GOLPH3: variants seen among roughly 807,000 people sequenced by gnomAD.
GOLPH3 encodes the protein coat protein GPP34.
A neutral mutation model predicts 28.5 loss-of-function variants in GOLPH3; 14 were observed. The observed-to-expected ratio is 0.49, with a 90% CI of 0.32 to 0.77. GOLPH3 has a LOEUF of 0.77. Among genes scored for constraint, GOLPH3 ranks in the 30% least tolerant of loss-of-function variants. The probability of loss-of-function intolerance (pLI) is 0.03; values close to 1 mark genes in which losing one functional copy is unlikely to be tolerated. For missense variants in GOLPH3, 350 were observed against 393.7 expected (o/e 0.89, Z 0.94); for synonymous variants, 158 against 159.2 (o/e 0.99, Z 0.06).
chr5:32,166,792 A>C (rs1255669738), intron 1 of GOLPH3, among the ~76,000 whole-genome samples: 5 of 151,618 alleles, frequency 3.3e-5, no homozygotes, highest in Admixed American at 2.0e-4. Context: ...GAGTGATAAA[A>C]GCAAGACTCC....
intron 1 of GOLPH3, among the ~76,000 whole-genome samples, chr5:32,157,221 G>A (rs777843895): frequency 2.6e-5 from 4 of 152,054 alleles, no homozygotes; most frequent in Admixed American, 1.3e-4. Context: ...AATCCAACTC[G>A]GAAATTCAAT....
chr5:32,160,551 G>A (rs1253137171), intron 1 of GOLPH3, among the ~76,000 whole-genome samples: 1 of 152,154 alleles, frequency 6.6e-6, no homozygotes, highest in Non-Finnish European at 1.5e-5. Flanking sequence ...ATAAAATGGT[G>A]TCCCCTCACT....
chr5:32,153,107 A>G lies in GOLPH3; in HGVS notation c.226-9227T>C, dbSNP rs865901312. On this transcript the variant is annotated intron_variant, in intron 1 of 3. Transcript: ENST00000265070. ...TCAATAAGGGACTGGATGAATATACAAAGATATATCTACCACATAATGGAA... is the reference window on the plus strand; with the variant it reads ...TCAATAAGGGACTGGATGAATATACGAAGATATATCTACCACATAATGGAA... 1.8e-4 allele frequency among the ~76,000 whole-genome samples: 27 copies of G among 152,264 alleles called. 1 individual carries two copies. The highest frequency in any genetic ancestry group is 1.3e-4 in the Admixed American group (2 of 15,280).
At chr5:32,166,185 A>G (rs1311516624) in intron 1 of GOLPH3, among the ~76,000 whole-genome samples, 3 of 152,242 alleles carry the variant, frequency 2.0e-5, no homozygotes, top group Middle Eastern at 3.2e-3. Context: ...CATTAAGTTT[A>G]AAAATAAGTA....
intron 1 of GOLPH3, among the ~76,000 whole-genome samples, chr5:32,146,290 CAAA>C (rs11290084): frequency 8.4e-5 from 12 of 143,200 alleles, no homozygotes; most frequent in Admixed American, 1.4e-4. Flanking sequence ...GACCCTATCT[CAAA>C]AAAAAAAAAA....
At chr5:32,157,808 T>C (rs1428574848) in intron 1 of GOLPH3, among the ~76,000 whole-genome samples, 1 of 151,748 alleles carries the variant, frequency 6.6e-6, no homozygotes, top group Non-Finnish European at 1.5e-5. Flanking sequence ...TGAAACCCCA[T>C]CGCTACTAAA....
intron 1 of GOLPH3, among the ~76,000 whole-genome samples, chr5:32,162,713 T>TTCA: frequency 6.6e-6 from 1 of 152,242 alleles, no homozygotes; most frequent in South Asian, 2.1e-4. Flanking sequence ...CAGCACCATG[T>TTCA]GGTTTTCAAA....
chr5:32,145,483 A>G (rs990500148), intron 1 of GOLPH3, among the ~76,000 whole-genome samples: 4 of 152,214 alleles, frequency 2.6e-5, no homozygotes, highest in Non-Finnish European at 5.9e-5. Context: ...TGAATTCCAC[A>G]TGAAATTAAA....
chr5:32,132,786 A>T (rs1269467905), intron 3 of GOLPH3, among the ~76,000 whole-genome samples: 1 of 152,238 alleles, frequency 6.6e-6, no homozygotes, highest in Non-Finnish European at 1.5e-5. Flanking sequence ...TACTACAATT[A>T]AAAAATCAGC....
In GOLPH3 at chr5:32,143,811, A is replaced by G. The variant is rs927535647; in HGVS notation, c.295T>C (p.Leu99=). The G allele has an allele frequency of 3.7e-6, 6 of 1,604,800 alleles. No individual in the cohort carries two copies. Among genetic ancestry groups the G allele is most frequent in the African/African-American group, 1.3e-5 (1 of 74,492 alleles). The change falls in exon 2 of 4, where the codon TTG becomes CTG. Residue 99 remains leucine, a synonymous_variant. Transcript: ENST00000265070. ...GCCTCTAGTTGTAACCTTCCTCTCA[A>G]TGCTAATTCAATTAACATACAGCCA... ...LRGCMLIELA[L]RGRLQLEACG...
Position 32,138,264 on chromosome 5 carries a change from T to C in GOLPH3, c.358-2578A>G, listed in dbSNP as rs937931578. Among the ~76,000 whole-genome samples, 15 of 152,316 alleles carry C rather than the reference T, an allele frequency of 9.8e-5. No homozygotes were observed. The South Asian group carries it at 2.5e-3, about 25-fold the overall frequency. ...TTAAACTTGTCCTCAAAGTGTCCTT[T>C]ACTTTGTCAATCTTATAAAAAATTA... is the stretch of plus-strand genomic sequence containing the variant. On this transcript the variant is annotated intron_variant, in intron 2 of 3. Coordinates refer to ENST00000265070, the MANE Select transcript of GOLPH3 (RefSeq NM_022130.4).
chr5:32,134,905 G>C (rs1037061195), intron 3 of GOLPH3: 1 of 152,100 alleles, frequency 6.6e-6, no homozygotes, highest in African/African-American at 2.4e-5. Flanking sequence ...CTGCTTATCT[G>C]TAAGAAAACT....
intron 1 of GOLPH3, among the ~76,000 whole-genome samples, chr5:32,149,093 C>T (rs1278891281): frequency 6.6e-6 from 1 of 152,198 alleles, no homozygotes; most frequent in Admixed American, 6.5e-5. Flanking sequence ...GTTATATGGG[C>T]ATGGCACTGG....
At chr5:32,156,127 G>A (rs1304224680) in intron 1 of GOLPH3, among the ~76,000 whole-genome samples, 1 of 152,058 alleles carries the variant, frequency 6.6e-6, no homozygotes, top group Admixed American at 6.6e-5. Flanking sequence ...AGGATGCAAT[G>A]AGAAGACAAC....
chr5:32,151,475 A>G (rs1025980117), intron 1 of GOLPH3, among the ~76,000 whole-genome samples: 1 of 152,294 alleles, frequency 6.6e-6, no homozygotes, highest in East Asian at 1.9e-4. Flanking sequence ...GCACTTACGC[A>G]CTCTAACCGG....
chr5:32,170,114 A>G (rs1264832339), intron 1 of GOLPH3, among the ~76,000 whole-genome samples: 3 of 152,224 alleles, frequency 2.0e-5, no homozygotes, highest in Non-Finnish European at 2.9e-5. Context: ...TTTAAATATT[A>G]TAGATTATAA....
chr5:32,165,032 T>C (rs1003306228), intron 1 of GOLPH3, among the ~76,000 whole-genome samples: 4 of 151,602 alleles, frequency 2.6e-5, no homozygotes, highest in African/African-American at 9.7e-5. Context: ...CCCGAGTAGC[T>C]GGGATTTCAG....
rs568927183 is a variant in GOLPH3 at position 32,132,878 on chromosome 5, A to AT, written c.472+2693dup. Among the ~76,000 whole-genome samples the AT allele has an allele frequency of 1.2e-3, 178 of 151,968 alleles. 1 individual carries two copies. Among genetic ancestry groups the AT allele is most frequent in the African/African-American group, 4.1e-3 (170 of 41,426 alleles). On this transcript the variant is annotated intron_variant, in intron 3 of 3. Coordinates refer to ENST00000265070, the MANE Select transcript of GOLPH3 (RefSeq NM_022130.4). ...CTTTTTACATGTTATTTGCCAGGAGATTTTTTTTAATTTTTTTAACTTTAA... is the reference window on the plus strand; with the variant it reads ...CTTTTTACATGTTATTTGCCAGGAGATTTTTTTTTAATTTTTTTAACTTTAA...
rs1339223327 is a variant in GOLPH3 at position 32,124,945 on chromosome 5, C to T, written c.*1267G>A. The T allele has an allele frequency of 6.6e-6, 1 of 152,444 alleles. No homozygotes were observed. The highest frequency in any genetic ancestry group is 6.6e-5 in the Admixed American group (1 of 15,254). The allele number at this position is 152,444 out of a possible 1,614,324, so 9.4% of individuals were successfully genotyped here. A position where few individuals can be genotyped will look rare whatever the true frequency, so the allele number is the denominator to read the frequency against. On this transcript the variant is annotated 3_prime_UTR_variant, in exon 4 of 4. Coordinates refer to ENST00000265070, the MANE Select transcript of GOLPH3 (RefSeq NM_022130.4). ...TAATTTGTTCAACATATAGTATTTA[C>T]ATTATGAAACCAATGGTGATGATAC...
Sources: allele counts gnomAD v4.1 joint callset (sites outside exome capture counted in the v4.1 genomes callset), GRCh38; gene constraint gnomAD v4.1.1; transcripts MANE v1.5; gene names NCBI Gene and HGNC (gene_info 2026-07-23, HGNC 2026-07-21).